PCLO: variants seen among roughly 807,000 people sequenced by gnomAD.
The protein encoded by PCLO is protein piccolo.
Under a neutral mutation model 427.5 loss-of-function variants are expected in PCLO, and 82 were observed. The observed-to-expected ratio is 0.19, with a 90% confidence interval of 0.16 to 0.23. The LOEUF (loss-of-function observed/expected upper bound fraction) is 0.23. PCLO is among the 10% of genes least tolerant of loss of function. PCLO has a pLI of 1.00. For missense variants in PCLO, 6,239 were observed against 6,115.9 expected (o/e 1.02, Z -0.67); for synonymous variants, 2,357 against 2,155.4 (o/e 1.09, Z -2.59).
intron 3 of PCLO, among the ~76,000 whole-genome samples, chr7:83,130,423 C>G (rs1344692161): frequency 6.6e-6 from 1 of 152,144 alleles, no homozygotes; most frequent in Admixed American, 6.5e-5. Context: ...GTGATCTGCC[C>G]ACTTCGGCCT....
At chr7:82,826,340 C>T (rs967749300) in intron 18 of PCLO, among the ~76,000 whole-genome samples, 13 of 152,044 alleles carry the variant, frequency 8.6e-5, no homozygotes, top group African/African-American at 2.9e-4. Context: ...AGTATGATTA[C>T]ATATCTTCCT....
intron 3 of PCLO, among the ~76,000 whole-genome samples, chr7:83,086,604 G>A (rs896488206): frequency 7.2e-5 from 11 of 151,978 alleles, no homozygotes; most frequent in African/African-American, 2.2e-4. Context: ...TCATGAGTAC[G>A]GCATTAATCT....
At position 82,953,856 on chromosome 7, in the gene PCLO, G is replaced by T; in HGVS notation, c.7097C>A (p.Thr2366Asn). 1 of 1,613,650 alleles carries T rather than the reference G, an allele frequency of 6.2e-7. No homozygotes were observed. The highest frequency in any genetic ancestry group is 8.5e-7 in the Non-Finnish European group (1 of 1,179,734). ...AGATGCAGGTTTTTCCTGACCAAAG[G>T]TCTCTCCAGATGTAAAGTATGTAGT... ...LSTTYFTSGE[T>N]FGQEKPASQL... The change falls in exon 5 of 25, where the codon ACC becomes AAC. Residue 2366 changes from threonine to asparagine, a missense_variant. This residue lies in a region of PCLO where 4,677 missense variants were observed against 4,468.4 expected (regional missense o/e 1.05). Transcript: ENST00000333891.
intron 22 of PCLO, among the ~76,000 whole-genome samples, chr7:82,799,799 C>T (rs191913593): frequency 1.3e-5 from 2 of 152,276 alleles, no homozygotes; most frequent in African/African-American, 4.8e-5. Flanking sequence ...CAGGCTTGTC[C>T]TGGTTTCGGC....
intron 6 of PCLO, among the ~76,000 whole-genome samples, chr7:82,928,010 T>G (rs1486878428): frequency 6.6e-6 from 1 of 152,336 alleles, no homozygotes; most frequent in East Asian, 1.9e-4. Context: ...CATTTATCTA[T>G]GTGTGTAAAA....
At chr7:82,979,551 T>C (rs1264410593) in intron 3 of PCLO, among the ~76,000 whole-genome samples, 1 of 152,188 alleles carries the variant, frequency 6.6e-6, no homozygotes, top group Non-Finnish European at 1.5e-5. Context: ...AAAATGTGTA[T>C]TATACATTCT....
At chr7:82,779,374 A>T (rs1433672977) in intron 22 of PCLO, among the ~76,000 whole-genome samples, 1 of 152,134 alleles carries the variant, frequency 6.6e-6, no homozygotes, top group Non-Finnish European at 1.5e-5. Context: ...CCTTTCTGTG[A>T]GATCCAACTT....
chr7:82,942,632 T>C (rs539615085), intron 6 of PCLO, among the ~76,000 whole-genome samples: 11 of 152,268 alleles, frequency 7.2e-5, no homozygotes, highest in South Asian at 2.1e-4. Flanking sequence ...TTTGTTTTAA[T>C]TGATTTTTAA....
chr7:83,025,947 G>A (rs1203986686), intron 3 of PCLO, among the ~76,000 whole-genome samples: 1 of 152,074 alleles, frequency 6.6e-6, no homozygotes, highest in Non-Finnish European at 1.5e-5. Flanking sequence ...AAGAGCTCCT[G>A]AAGGAAGCGC....
rs776011535 is a variant in PCLO at position 82,827,881 on chromosome 7, T to C, written c.14335A>G (p.Met4779Val). 1.5e-5 allele frequency: 23 copies of C among 1,546,380 alleles called. No individual in the cohort carries two copies. Among genetic ancestry groups the C allele is most frequent in the Non-Finnish European group, 1.7e-5 (19 of 1,121,444 alleles). The change falls in exon 17 of 25, where the codon ATG becomes GTG. Residue 4779 changes from methionine to valine, a missense_variant. Met to Val is a conservative substitution (Grantham distance 21). Transcript: ENST00000333891. ...AAATAATCTTGACATACCTGTTCCA[T>C]GGAAATACTTTTATAAATTACTGTT... is the stretch of plus-strand genomic sequence containing the variant. ...NQTVIYKSISMEQLKKKTLEV... is the reference protein window; with the variant it reads ...NQTVIYKSISVEQLKKKTLEV...
intron 10 of PCLO, among the ~76,000 whole-genome samples, chr7:82,853,631 G>A (rs896467213): frequency 3.3e-5 from 5 of 152,078 alleles, no homozygotes; most frequent in Non-Finnish European, 2.9e-5. Flanking sequence ...TCAATAAACA[G>A]AATACACACT....
chr7:83,029,257 T>C (rs1300866583), intron 3 of PCLO, among the ~76,000 whole-genome samples: 11 of 127,270 alleles, frequency 8.6e-5, no homozygotes, highest in East Asian at 3.2e-4. Context: ...CAAACAAATT[T>C]ACAAGAAAAA....
In PCLO at chr7:83,134,718, A is replaced by G; in HGVS notation, c.2832T>C (p.Asn944=). The change falls in exon 3 of 25, where the codon AAT becomes AAC. Residue 944 remains asparagine, a synonymous_variant. Transcript: ENST00000333891. Reference sequence around the variant, plus strand: ...CAGGTTGGCCTGCAGTGGAAATTAAATTTGATGCCTGGCTGAAGATTGATG... The same window carrying G: ...CAGGTTGGCCTGCAGTGGAAATTAAGTTTGATGCCTGGCTGAAGATTGATG... ...FGASIFSQAS[N]LISTAGQPGP... is the part of the protein sequence containing the mutation. 2 of 1,613,858 alleles carry G rather than the reference A, an allele frequency of 1.2e-6. No homozygotes were observed. Among genetic ancestry groups the G allele is most frequent in the Non-Finnish European group, 1.7e-6 (2 of 1,179,838 alleles).
Position 82,838,410 on chromosome 7 carries a change from C to T in PCLO, c.14098-68G>A, listed in dbSNP as rs889046485. 3 of 927,736 alleles carry T rather than the reference C, an allele frequency of 3.2e-6. No homozygotes were observed. The African/African-American group carries it at 5.3e-5, about 16-fold the overall frequency. The allele number at this position is 927,736 out of a possible 1,614,324, so 57.5% of individuals were successfully genotyped here. A position where few individuals can be genotyped will look rare whatever the true frequency, so the allele number is the denominator to read the frequency against. ...GTTATACATTATCATTCAATATTTA[C>T]TAGTTTTTTTTAAAGAAAATTCTTA... On this transcript the variant is annotated intron_variant, in intron 14 of 24. Coordinates refer to ENST00000333891, the MANE Select transcript of PCLO (RefSeq NM_033026.6).
chr7:82,816,380 C>T (rs1448811163), intron 20 of PCLO, among the ~76,000 whole-genome samples: 2 of 151,998 alleles, frequency 1.3e-5, no homozygotes, highest in African/African-American at 4.8e-5. Flanking sequence ...GTTGCCTGCC[C>T]CATGCTCTTA....
At chr7:82,903,705 AT>A (rs1268962765) in intron 8 of PCLO, among the ~76,000 whole-genome samples, 1 of 151,936 alleles carries the variant, frequency 6.6e-6, no homozygotes, top group Non-Finnish European at 1.5e-5. Context: ...TCATAGGAAA[AT>A]TTTTGACTTA....
chr7:82,841,699 G>A (rs192448359), intron 13 of PCLO, among the ~76,000 whole-genome samples, 190 bp from the exon 14 acceptor site: 22 of 152,102 alleles, frequency 1.4e-4, no homozygotes, highest in African/African-American at 5.3e-4. Context: ...TTTTACAGAT[G>A]CATAAATCTA....
intron 3 of PCLO, among the ~76,000 whole-genome samples, chr7:83,093,428 A>G (rs1432988942): frequency 6.8e-6 from 1 of 147,870 alleles, no homozygotes; most frequent in Non-Finnish European, 1.5e-5. Flanking sequence ...TATTTCTAAG[A>G]AACTGTGCCA....
intron 3 of PCLO, among the ~76,000 whole-genome samples, chr7:83,114,187 C>T (rs569058725): frequency 9.8e-4 from 149 of 152,194 alleles, no homozygotes; most frequent in South Asian, 3.5e-3. Flanking sequence ...GATTACCTAC[C>T]ATGTGCAGGC....
Sources: allele counts gnomAD v4.1 joint callset (sites outside exome capture counted in the v4.1 genomes callset), GRCh38; gene constraint gnomAD v4.1.1; regional missense constraint gnomAD v4.1.1; transcripts MANE v1.5; gene names NCBI Gene and HGNC (gene_info 2026-07-23, HGNC 2026-07-21).